Variants in CCDC7 observed in about 807,000 individuals in gnomAD.
CCDC7 encodes coiled-coil domain-containing protein 7.
Under a neutral mutation model 196.9 loss-of-function variants are expected in CCDC7, and 183 were observed. The observed-to-expected ratio is 0.93, with a 90% CI of 0.82 to 1.05. The LOEUF is 1.05. Among genes scored for constraint, CCDC7 ranks in the 50% least tolerant of loss-of-function variants. The pLI is 0.00. For missense variants in CCDC7, 1,540 were observed against 1,482.2 expected, an observed-to-expected ratio of 1.04 and a Z score of -0.64; for synonymous variants, 525 against 484.6, an observed-to-expected ratio of 1.08 and a Z score of -1.10.
At chr10:32,743,084 C>T (rs891734923) in intron 28 of CCDC7, among the ~76,000 whole-genome samples, 1 of 152,134 alleles carries the variant, frequency 6.6e-6, no homozygotes, top group African/African-American at 2.4e-5. Flanking sequence ...TGGGTTTTTT[C>T]CCCAAGTTGT....
chr10:32,668,105 C>T (rs998053666), intron 21 of CCDC7, among the ~76,000 whole-genome samples: 1 of 151,840 alleles, frequency 6.6e-6, no homozygotes, highest in South Asian at 2.1e-4. Flanking sequence ...AGTTGGATTC[C>T]CAGGTGTTTT....
intron 18 of CCDC7, 119 bp from the exon 20 acceptor site, chr10:32,634,135 C>T (rs1442574811): frequency 1.7e-5 from 7 of 405,784 alleles, no homozygotes; most frequent in Middle Eastern, 1.3e-3. Context: ...GTAATTTACT[C>T]ATGACTTTAT....
At chr10:32,671,640 T>C (rs2074077009) in intron 21 of CCDC7, among the ~76,000 whole-genome samples, 1 of 152,198 alleles carries the variant, frequency 6.6e-6, no homozygotes, top group African/African-American at 2.4e-5. Context: ...GTCGTATCTT[T>C]AGTTTTTCAT....
intron 13 of CCDC7, among the ~76,000 whole-genome samples, chr10:32,553,812 G>T (rs781374218): frequency 6.6e-6 from 1 of 152,202 alleles, no homozygotes; most frequent in Non-Finnish European, 1.5e-5. Flanking sequence ...CTGCTGAGAG[G>T]TGGCACTTTC....
chr10:32,664,194 A>G, intron 21 of CCDC7, 33 bp downstream of exon 22: 1 of 392,872 alleles, frequency 2.5e-6, no homozygotes, highest in Non-Finnish European at 4.5e-6. Context: ...ACCTTAAAAT[A>G]ATTTAAGATT....
chr10:32,560,694 C>G (rs1402326954), intron 13 of CCDC7, among the ~76,000 whole-genome samples: 1 of 152,292 alleles, frequency 6.6e-6, no homozygotes, highest in African/African-American at 2.4e-5. Flanking sequence ...AAAGGAACAA[C>G]TGGTACCAGC....
At chr10:32,846,814 T>C (rs546163999) in intron 37 of CCDC7, among the ~76,000 whole-genome samples, 1 of 152,360 alleles carries the variant, frequency 6.6e-6, no homozygotes, top group East Asian at 1.9e-4. Context: ...AGCTGAAGAC[T>C]GCGATGACAA....
At chr10:32,476,236 C>A (rs2038946630) in intron 8 of CCDC7, among the ~76,000 whole-genome samples, 1 of 152,158 alleles carries the variant, frequency 6.6e-6, no homozygotes, top group African/African-American at 2.4e-5. Flanking sequence ...CCACCTGAAT[C>A]CCTGGAAACC....
intron 28 of CCDC7, among the ~76,000 whole-genome samples, chr10:32,758,731 T>A (rs182228705): frequency 6.6e-6 from 1 of 152,254 alleles, no homozygotes; most frequent in African/African-American, 2.4e-5. Flanking sequence ...AACATAGTGT[T>A]GAAAGTTCTG....
At chr10:32,540,360 T>G (rs1262598898) in intron 11 of CCDC7, among the ~76,000 whole-genome samples, 2 of 152,190 alleles carry the variant, frequency 1.3e-5, no homozygotes, top group Non-Finnish European at 2.9e-5. Flanking sequence ...TTTTCCTGTT[T>G]TCCATGTGCA....
rs745448385 is a variant in CCDC7, at chr10:32,651,345, GTCTTT to G, written c.2015-12707_2015-12703del. 7.5e-3 allele frequency among the ~76,000 whole-genome samples: 1,136 copies of G among 152,274 alleles called. 9 individuals are homozygous for G. Among genetic ancestry groups the G allele is most frequent in the Non-Finnish European group, 0.012 (821 of 68,032 alleles). On this transcript the variant is annotated intron_variant, in intron 20 of 41. Coordinates refer to ENST00000639629, the Ensembl canonical transcript of CCDC7. ...CTCCCTATTCAGCCTCAGCATGTGA[GTCTTT>G]TTTCCATCCACATTTGGTGTTTTCT...
At chr10:32,629,442 A>C (rs1197911989) in intron 18 of CCDC7, among the ~76,000 whole-genome samples, 1 of 152,020 alleles carries the variant, frequency 6.6e-6, no homozygotes, top group Non-Finnish European at 1.5e-5. Flanking sequence ...CAGATAGGTG[A>C]TTTGAGAGTC....
intron 8 of CCDC7, among the ~76,000 whole-genome samples, chr10:32,483,151 C>A (rs1376756504): frequency 6.6e-6 from 1 of 152,182 alleles, no homozygotes; most frequent in Admixed American, 6.5e-5. Context: ...CACATCCTCT[C>A]CAGCACCTGT....
intron 21 of CCDC7, among the ~76,000 whole-genome samples, chr10:32,682,549 A>G (rs781768520): frequency 6.6e-6 from 1 of 152,094 alleles, no homozygotes; most frequent in African/African-American, 2.4e-5. Flanking sequence ...TGGTAGTTCT[A>G]AGTTCTTTGA....
At chr10:32,802,327 C>G (rs1180997186) in intron 29 of CCDC7, among the ~76,000 whole-genome samples, 1 of 152,128 alleles carries the variant, frequency 6.6e-6, no homozygotes, top group East Asian at 1.9e-4. Context: ...AGCAGTGAAT[C>G]AGGAGTATCA....
At chr10:32,676,363 A>T (rs1358446184) in intron 21 of CCDC7, among the ~76,000 whole-genome samples, 3 of 152,072 alleles carry the variant, frequency 2.0e-5, no homozygotes, top group Non-Finnish European at 2.9e-5. Flanking sequence ...GCCAAAATTG[A>T]CAAATGGGAT....
At chr10:32,871,951 C>T (rs2094446611) in intron 41 of CCDC7, among the ~76,000 whole-genome samples, 1 of 152,106 alleles carries the variant, frequency 6.6e-6, no homozygotes, top group Non-Finnish European at 1.5e-5. Context: ...TTTGATTGCA[C>T]TGTGGTCTGA....
At chr10:32,686,724 T>TG (rs1434215521) in intron 22 of CCDC7, among the ~76,000 whole-genome samples, 1 of 152,224 alleles carries the variant, frequency 6.6e-6, no homozygotes, top group African/African-American at 2.4e-5. Context: ...GAGTGAGACA[T>TG]GTTTCCCCTT....
At chr10:32,747,462 A>G (rs1018301638) in intron 28 of CCDC7, among the ~76,000 whole-genome samples, 2 of 152,218 alleles carry the variant, frequency 1.3e-5, no homozygotes, top group Non-Finnish European at 2.9e-5. Context: ...TGCACAAACT[A>G]TGCATCCAAC....
Sources: gnomAD v4.1 joint callset for allele counts (sites outside exome capture counted in the v4.1 genomes callset) on GRCh38, gnomAD v4.1.1 for gene constraint, MANE v1.5 for transcripts, NCBI Gene and HGNC (gene_info 2026-07-23, HGNC 2026-07-21) for gene names.